CAMTA1: variants seen among roughly 807,000 people sequenced by gnomAD.
The protein encoded by CAMTA1 is calmodulin binding transcription activator 1, also known as calmodulin-binding transcription activator 1.
A neutral mutation model predicts 170.9 loss-of-function variants in CAMTA1; 27 were observed. The ratio of observed to expected loss-of-function variants is 0.16; its 90% CI spans 0.12 to 0.22. The LOEUF is 0.22. Among genes scored for constraint, CAMTA1 ranks in the 10% least tolerant of loss-of-function variants. The pLI is 1.00. For synonymous variants in CAMTA1, 833 were observed against 891.5 expected, an observed-to-expected ratio of 0.93 and a Z score of 1.17; for missense variants, 1,619 against 2,217.2, an observed-to-expected ratio of 0.73 and a Z score of 5.42.
At chr1:7,714,584 G>A (rs972524134) in intron 11 of CAMTA1, among the ~76,000 whole-genome samples, 30 of 151,914 alleles carry the variant, frequency 2.0e-4, no homozygotes, top group African/African-American at 6.8e-4. Flanking sequence ...CTTTGGGCGC[G>A]ATCTCAGCTC....
intron 7 of CAMTA1, among the ~76,000 whole-genome samples, chr1:7,648,666 G>A (rs1176707673): frequency 2.0e-5 from 3 of 152,218 alleles, no homozygotes; most frequent in Non-Finnish European, 4.4e-5. Context: ...GGGGCTCAGA[G>A]GGAGCCGAGC....
chr1:7,722,655 ATACAGGAGT>A (rs1474073051), intron 11 of CAMTA1, among the ~76,000 whole-genome samples: 1 of 152,212 alleles, frequency 6.6e-6, no homozygotes, highest in Non-Finnish European at 1.5e-5. Context: ...TACTTTTGAG[ATACAGGAGT>A]TAAACCTGAA....
chr1:7,278,013 G>A (rs547748419), intron 5 of CAMTA1, among the ~76,000 whole-genome samples: 1 of 152,230 alleles, frequency 6.6e-6, no homozygotes, highest in African/African-American at 2.4e-5. Flanking sequence ...TTTATTTGAG[G>A]AGTTACTAGG....
intron 1 of CAMTA1, among the ~76,000 whole-genome samples, chr1:6,801,820 A>G (rs996320864): frequency 6.6e-6 from 1 of 151,970 alleles, no homozygotes; most frequent in African/African-American, 2.4e-5. Flanking sequence ...ACATTAAAAA[A>G]AAAAAAAAGT....
intron 4 of CAMTA1, among the ~76,000 whole-genome samples, chr1:7,155,008 G>A (rs1272022172): frequency 1.3e-5 from 2 of 152,122 alleles, no homozygotes; most frequent in Non-Finnish European, 2.9e-5. Flanking sequence ...AACATCCCCT[G>A]ACCAGTTTGC....
chr1:7,307,232 C>G lies in CAMTA1; in HGVS notation c.438+57606C>G, dbSNP rs150588113. ...TATTTTAAATGGCATTTTTTAAGAA[C>G]TGGTTTTCACTAATTCATTGCTAGT... On this transcript the variant is annotated intron_variant, in intron 5 of 22. Coordinates refer to ENST00000303635, the MANE Select transcript of CAMTA1 (RefSeq NM_015215.4). Among the ~76,000 whole-genome samples the G allele has an allele frequency of 3.7e-3, 567 of 151,974 alleles. 8 individuals carry two copies. Among genetic ancestry groups the G allele is most frequent in the Admixed American group, 0.024 (373 of 15,282 alleles).
At chr1:7,457,486 C>G (rs2149490745) in intron 5 of CAMTA1, among the ~76,000 whole-genome samples, 1 of 152,088 alleles carries the variant, frequency 6.6e-6, no homozygotes, top group South Asian at 2.1e-4. Context: ...AGGTTAGGTC[C>G]CCTGCCCCTC....
At chr1:7,479,024 C>T (rs892352650) in intron 6 of CAMTA1, among the ~76,000 whole-genome samples, 2 of 152,188 alleles carry the variant, frequency 1.3e-5, no homozygotes, top group Admixed American at 6.5e-5. Context: ...CAGTGGAAGA[C>T]GTGGGCGGTG....
At position 7,007,693 on chromosome 1, in the gene CAMTA1, AC is replaced by A. The variant is rs1699203645; in HGVS notation, c.235-83606del. 1.3e-5 allele frequency among the ~76,000 whole-genome samples: 2 copies of A among 151,298 alleles called. No individual in the cohort carries two copies. The highest frequency in any genetic ancestry group is 4.2e-4 in the South Asian group (2 of 4,762). ...GCGGAGGTGAGCTCCTTCTGAAAGG[AC>A]CCCCTGTGGGGCTCCCGGGGCGTCG... is the stretch of plus-strand genomic sequence containing the variant. On this transcript the variant is annotated intron_variant, in intron 3 of 22. Transcript: ENST00000303635. The surrounding 1 kb of genome is among the most constrained non-coding windows in gnomAD (Gnocchi z 4.5).
chr1:6,834,381 C>T (rs1483032387), intron 3 of CAMTA1: 2 of 199,128 alleles, frequency 1.0e-5, no homozygotes, highest in African/African-American at 4.7e-5. Flanking sequence ...GGTGTTGTTT[C>T]CTCACGGAGT....
chr1:6,815,381 A>G (rs1645668909), intron 1 of CAMTA1, among the ~76,000 whole-genome samples: 1 of 151,984 alleles, frequency 6.6e-6, no homozygotes, highest in East Asian at 1.9e-4. Context: ...ATATTTTAAT[A>G]TTTGTAGAGA....
At chr1:7,174,624 G>A (rs1008047544) in intron 4 of CAMTA1, among the ~76,000 whole-genome samples, 2 of 152,242 alleles carry the variant, frequency 1.3e-5, no homozygotes, top group African/African-American at 4.8e-5. Context: ...GGGGCGCCAC[G>A]AGAGCCGCAT....
At chr1:7,276,455 C>T (rs565347878) in intron 5 of CAMTA1, among the ~76,000 whole-genome samples, 30 of 150,694 alleles carry the variant, frequency 2.0e-4, no homozygotes, top group East Asian at 1.2e-3. Context: ...TGACTACAGG[C>T]GCCCGCCACC....
At chr1:7,587,592 T>A (rs555833839) in intron 6 of CAMTA1, among the ~76,000 whole-genome samples, 1 of 152,246 alleles carries the variant, frequency 6.6e-6, no homozygotes, top group South Asian at 2.1e-4. Flanking sequence ...TCAGGCCTAA[T>A]GTTACTTACT....
chr1:7,421,872 C>T (rs569359297), intron 5 of CAMTA1, among the ~76,000 whole-genome samples: 68 of 152,094 alleles, frequency 4.5e-4, no homozygotes, highest in African/African-American at 1.4e-3. Flanking sequence ...GACCCAGCAG[C>T]GCTCACTCCA....
At chr1:7,409,447 T>C (rs1324037905) in intron 5 of CAMTA1, among the ~76,000 whole-genome samples, 1 of 152,124 alleles carries the variant, frequency 6.6e-6, no homozygotes, top group Non-Finnish European at 1.5e-5. Context: ...TACAGGCTGG[T>C]CGAGAGCCTG....
At chr1:7,695,324 G>A (rs2149444633) in intron 11 of CAMTA1, among the ~76,000 whole-genome samples, 1 of 152,326 alleles carries the variant, frequency 6.6e-6, no homozygotes, top group East Asian at 1.9e-4. Flanking sequence ...AGAGGGCGCG[G>A]CAGGGAGCCT....
At chr1:6,813,832 CAA>C (rs1000114207) in intron 1 of CAMTA1, among the ~76,000 whole-genome samples, 5 of 152,108 alleles carry the variant, frequency 3.3e-5, no homozygotes, top group African/African-American at 1.2e-4. Context: ...CATAGCAAAT[CAA>C]AGTGACCAAG....
intron 5 of CAMTA1, among the ~76,000 whole-genome samples, chr1:7,394,839 GTGTC>G (rs897393738): frequency 4.8e-5 from 7 of 146,288 alleles, no homozygotes; most frequent in African/African-American, 1.8e-4. Context: ...GTGTGTGTGT[GTGTC>G]TGTGTGTGTG....
Sources: allele counts gnomAD v4.1 joint callset (sites outside exome capture counted in the v4.1 genomes callset), GRCh38; gene constraint gnomAD v4.1.1; non-coding constraint Gnocchi (gnomAD v3.1); transcripts MANE v1.5; gene names NCBI Gene and HGNC (gene_info 2026-07-23, HGNC 2026-07-21).